The following MGMT variants were observed in gnomAD, a reference collection of about 807,000 sequenced individuals.
MGMT encodes the protein methylated-DNA--protein-cysteine methyltransferase.
Under a neutral mutation model 15.9 loss-of-function variants are expected in MGMT, and 14 were observed. The ratio of observed to expected loss-of-function variants is 0.88; its 90% CI spans 0.58 to 1.37. The LOEUF (loss-of-function observed/expected upper bound fraction) is 1.37, where lower values mean the gene tolerates loss of function less well. MGMT is among the 40% of genes most tolerant of loss of function. MGMT has a pLI of 0.00. For synonymous variants in MGMT, 130 were observed against 118.2 expected, an observed-to-expected ratio of 1.10 and a Z score of -0.65; for missense variants, 282 against 268.1, an observed-to-expected ratio of 1.05 and a Z score of -0.36.
chr10:129,628,963 C>CCCACTCCCAGCG (rs1456539629), intron 2 of MGMT, among the ~76,000 whole-genome samples: 2 of 152,210 alleles, frequency 1.3e-5, no homozygotes, highest in Non-Finnish European at 2.9e-5. Context: ...TCTCTTCCCG[C>CCCACTCCCAGCG]CCACTCCCAG....
chr10:129,568,006 T>C lies in MGMT; in HGVS notation c.125+31629T>C, dbSNP rs936160735. On this transcript the variant is annotated intron_variant, in intron 2 of 4. Coordinates refer to ENST00000651593, the MANE Select transcript of MGMT (RefSeq NM_002412.5). Reference sequence around the variant, plus strand: ...TTCCCATCGTAGCTTTTATAAGATATTAGGCAGTGTTGCACTTTAAGAGAC... The same window carrying C: ...TTCCCATCGTAGCTTTTATAAGATACTAGGCAGTGTTGCACTTTAAGAGAC... 3.3e-5 allele frequency among the ~76,000 whole-genome samples: 5 copies of C among 152,192 alleles called. No individual in the cohort carries two copies. The South Asian group carries it at 6.2e-4, about 19-fold the overall frequency.
intron 2 of MGMT, among the ~76,000 whole-genome samples, chr10:129,553,198 A>C (rs1365565211): frequency 6.6e-6 from 1 of 152,232 alleles, no homozygotes; most frequent in African/African-American, 2.4e-5. Flanking sequence ...ATTTTGGGTC[A>C]AGGACTCTTT....
At chr10:129,711,462 AG>A (rs1291315973) in intron 3 of MGMT, among the ~76,000 whole-genome samples, 2 of 152,302 alleles carry the variant, frequency 1.3e-5, no homozygotes, top group African/African-American at 4.8e-5. Context: ...AGGTTGGGAC[AG>A]GTGGGATTTC....
chr10:129,709,968 C>T (rs1848212133), intron 3 of MGMT, among the ~76,000 whole-genome samples: 1 of 152,228 alleles, frequency 6.6e-6, no homozygotes, highest in Non-Finnish European at 1.5e-5. Context: ...GCACTGAACC[C>T]CCGCTGAGCC....
At chr10:129,675,514 G>T (rs1236849067) in intron 2 of MGMT, among the ~76,000 whole-genome samples, 1 of 152,192 alleles carries the variant, frequency 6.6e-6, no homozygotes, top group African/African-American at 2.4e-5. Flanking sequence ...CGTGTTGCTG[G>T]CATGTGTGAC....
chr10:129,581,870 T>C (rs771917074), intron 2 of MGMT, among the ~76,000 whole-genome samples: 3 of 152,202 alleles, frequency 2.0e-5, no homozygotes, highest in Non-Finnish European at 4.4e-5. Flanking sequence ...AGCAATTTAT[T>C]TTCAACAGTT....
intron 1 of MGMT, among the ~76,000 whole-genome samples, chr10:129,493,576 TA>T (rs1845491323): frequency 6.6e-6 from 1 of 152,236 alleles, no homozygotes; most frequent in African/African-American, 2.4e-5. Flanking sequence ...CTTGAAGATT[TA>T]GAAAAAGTAA....
chr10:129,607,076 C>T (rs974071506), intron 2 of MGMT, among the ~76,000 whole-genome samples: 3 of 152,092 alleles, frequency 2.0e-5, no homozygotes, highest in Non-Finnish European at 4.4e-5. Context: ...TTGGCACCCT[C>T]CGGTTTGGGA....
chr10:129,649,624 G>A (rs2133096444), intron 2 of MGMT, among the ~76,000 whole-genome samples: 1 of 152,290 alleles, frequency 6.6e-6, no homozygotes, highest in South Asian at 2.1e-4. Flanking sequence ...CTCAGGTTGA[G>A]AGAGAGAAAG....
intron 1 of MGMT, among the ~76,000 whole-genome samples, chr10:129,490,881 A>T (rs1780180968): frequency 6.6e-6 from 1 of 152,224 alleles, no homozygotes; most frequent in Non-Finnish European, 1.5e-5. Flanking sequence ...TAGAGATTAT[A>T]ATATACACCC....
intron 1 of MGMT, among the ~76,000 whole-genome samples, chr10:129,508,991 A>G (rs1845653813): frequency 6.6e-6 from 1 of 152,230 alleles, no homozygotes; most frequent in Admixed American, 6.5e-5. Context: ...TAATAAAATG[A>G]AATTCAGTAA....
At position 129,770,568 on chromosome 10, in the gene MGMT, G is replaced by T. The variant is rs923094434; in HGVS notation, c.*3571G>T. Among the ~76,000 whole-genome samples, 1 of 152,236 alleles carries T rather than the reference G, an allele frequency of 6.6e-6. No homozygotes were observed. Among genetic ancestry groups the T allele is most frequent in the African/African-American group, 2.4e-5 (1 of 41,454 alleles). ...GTGGCGCCAGCTCGGACTTCACCCC[G>T]TTGGAGCGGGCAGGATGTCACACTG... On this transcript the variant is annotated 3_prime_UTR_variant, in exon 5 of 5. Coordinates refer to ENST00000651593, the MANE Select transcript of MGMT (RefSeq NM_002412.5).
At chr10:129,687,911 T>C (rs1310641287) in intron 2 of MGMT, among the ~76,000 whole-genome samples, 1 of 151,490 alleles carries the variant, frequency 6.6e-6, no homozygotes, top group East Asian at 2.0e-4. Context: ...AGTGTTCTCA[T>C]TGTTCAGTTC....
intron 2 of MGMT, among the ~76,000 whole-genome samples, chr10:129,579,347 G>A (rs1846524505): frequency 6.6e-6 from 1 of 152,132 alleles, no homozygotes; most frequent in East Asian, 1.9e-4. Flanking sequence ...CCTGTGGCTG[G>A]GCCAGGCCCC....
chr10:129,499,827 C>G (rs1389649891), intron 1 of MGMT, among the ~76,000 whole-genome samples: 1 of 152,130 alleles, frequency 6.6e-6, no homozygotes, highest in South Asian at 2.1e-4. Flanking sequence ...CGTTTTTACT[C>G]GAATTGGGTT....
At chr10:129,690,140 A>C (rs1031443623) in intron 2 of MGMT, among the ~76,000 whole-genome samples, 7 of 152,212 alleles carry the variant, frequency 4.6e-5, no homozygotes, top group Non-Finnish European at 1.0e-4. Flanking sequence ...ACAGACACGC[A>C]GTAGAAGCCC....
chr10:129,595,842 T>G (rs1007059701), intron 2 of MGMT, among the ~76,000 whole-genome samples: 6 of 152,134 alleles, frequency 3.9e-5, no homozygotes, highest in Admixed American at 2.0e-4. Flanking sequence ...TGTCTTGCAC[T>G]CAAGCAGAGG....
chr10:129,564,856 G>C (rs951998037), intron 2 of MGMT, among the ~76,000 whole-genome samples: 2 of 151,854 alleles, frequency 1.3e-5, no homozygotes, highest in African/African-American at 2.4e-5. Flanking sequence ...CCAGTTCCCG[G>C]GGCAGCCACT....
rs10543851 is a variant in MGMT at position 129,646,719 on chromosome 10, A to AATATAT, written c.126-61145_126-61140dup. ...TTCCAGAAGCCTGCTGCCCATCAGAAATATATATATATATATATATATATA... is the reference window on the plus strand; with the variant it reads ...TTCCAGAAGCCTGCTGCCCATCAGAAATATATATATATATATATATATATATATATA... On this transcript the variant is annotated intron_variant, in intron 2 of 4. Transcript: ENST00000651593. Among the ~76,000 whole-genome samples the AATATAT allele has an allele frequency of 6.6e-3, 534 of 81,492 alleles. 18 individuals carry two copies. The highest frequency in any genetic ancestry group is 0.02 in the African/African-American group (425 of 20,994). 53.5% of individuals were successfully genotyped at this position (81,492 alleles called of 152,430 possible).
Sources: gnomAD v4.1 joint callset for allele counts (sites outside exome capture counted in the v4.1 genomes callset) on GRCh38, gnomAD v4.1.1 for gene constraint, MANE v1.5 for transcripts, NCBI Gene and HGNC (gene_info 2026-07-23, HGNC 2026-07-21) for gene names.